The following CHRDL1 variants were observed in gnomAD, a reference collection of about 807,000 sequenced individuals.
CHRDL1 encodes chordin-like protein 1.
CHRDL1 carries 19 observed loss-of-function variants against 40.9 expected under a neutral mutation model. The observed-to-expected ratio is 0.46, with a 90% CI of 0.32 to 0.68. The LOEUF is 0.68. Among genes scored for constraint, CHRDL1 ranks in the 30% least tolerant of loss-of-function variants. The probability of loss-of-function intolerance (pLI) is 0.03; values close to 1 mark genes in which losing one functional copy is unlikely to be tolerated. For missense variants in CHRDL1, 329 were observed against 352.1 expected, an observed-to-expected ratio of 0.93 and a Z score of 0.53; for synonymous variants, 136 against 123.4, an observed-to-expected ratio of 1.10 and a Z score of -0.68.
At chrX:110,709,658 T>C (rs1569468708) in intron 6 of CHRDL1, among the ~76,000 whole-genome samples, 4 of 112,117 alleles carry the variant, frequency 3.6e-5, no homozygotes, top group African/African-American at 6.5e-5. Flanking sequence ...AGGAAAGATA[T>C]CTGCTTCATT....
intron 9 of CHRDL1, among the ~76,000 whole-genome samples, chrX:110,683,245 T>C (rs1402459922): frequency 4.8e-5 from 2 of 41,856 alleles, no homozygotes; most frequent in African/African-American, 6.7e-4. Flanking sequence ...CTCTGGCTGG[T>C]ACTTGAAAAT....
chrX:110,688,451 A>G (rs2070070680), intron 9 of CHRDL1, 143 bp downstream of exon 9: 1 of 476,719 alleles, frequency 2.1e-6, no homozygotes, highest in African/African-American at 2.5e-5. Flanking sequence ...GTCTTTCAAG[A>G]GAAGAGAGAA....
intron 2 of CHRDL1, among the ~76,000 whole-genome samples, chrX:110,786,991 A>G: frequency 8.9e-6 from 1 of 112,020 alleles, no homozygotes; most frequent in Middle Eastern, 4.6e-3. Context: ...TATAGTGAAC[A>G]GAACACTTAA....
intron 8 of CHRDL1, among the ~76,000 whole-genome samples, chrX:110,689,783 A>C (rs369336072): frequency 3.1e-5 from 2 of 64,012 alleles, no homozygotes; most frequent in East Asian, 7.4e-4. Context: ...CTATATATCT[A>C]TATATATCTA....
intron 7 of CHRDL1, among the ~76,000 whole-genome samples, chrX:110,698,312 T>C (rs1357131860): frequency 9.0e-6 from 1 of 111,176 alleles, no homozygotes; most frequent in Non-Finnish European, 1.9e-5. Context: ...TGCATTAAAA[T>C]TAATGAGGAA....
chrX:110,761,984 A>T (rs762117713), intron 3 of CHRDL1, among the ~76,000 whole-genome samples: 2 of 111,620 alleles, frequency 1.8e-5, no homozygotes, highest in Admixed American at 1.9e-4. Context: ...CATAGAATCC[A>T]CTCTCCCAAT....
chrX:110,792,009 T>A, intron 2 of CHRDL1, 79 bp downstream of exon 2: 2 of 607,271 alleles, frequency 3.3e-6, no homozygotes, highest in Non-Finnish European at 5.2e-6. Context: ...TTGGGCTAAA[T>A]CATAATTGCT....
chrX:110,787,662 C>G (rs1471136770), intron 2 of CHRDL1, among the ~76,000 whole-genome samples: 2 of 112,107 alleles, frequency 1.8e-5, no homozygotes, highest in Non-Finnish European at 1.9e-5. Context: ...TCCCTTCAAT[C>G]TTTTGGTGGC....
chrX:110,757,008 A>G (rs1224930207), intron 4 of CHRDL1, among the ~76,000 whole-genome samples: 1 of 111,974 alleles, frequency 8.9e-6, no homozygotes, highest in Non-Finnish European at 1.9e-5. Flanking sequence ...TTGAAAATAA[A>G]CAAAGAAACA....
At chrX:110,688,380 G>A (rs2070069513) in intron 9 of CHRDL1, among the ~76,000 whole-genome samples, 1 of 112,020 alleles carries the variant, frequency 8.9e-6, no homozygotes, top group African/African-American at 3.2e-5. Flanking sequence ...ATACATGAGA[G>A]GTGTGGTAGA....
intron 9 of CHRDL1, among the ~76,000 whole-genome samples, chrX:110,686,688 G>A (rs2070023543): frequency 9.2e-6 from 1 of 109,047 alleles, no homozygotes; most frequent in Non-Finnish European, 1.9e-5. Context: ...AGCACTTTGG[G>A]AGGCTGAGGC....
At chrX:110,716,064 A>G (rs2070835950) in intron 6 of CHRDL1, among the ~76,000 whole-genome samples, 1 of 112,632 alleles carries the variant, frequency 8.9e-6, no homozygotes, top group Non-Finnish European at 1.9e-5. Flanking sequence ...TGCAAATAGC[A>G]TATTAAAAGG....
intron 4 of CHRDL1, among the ~76,000 whole-genome samples, chrX:110,728,191 T>TG (rs775390615): frequency 4.5e-5 from 5 of 109,981 alleles, no homozygotes; most frequent in East Asian, 2.8e-4. Flanking sequence ...CTAAAAGTTA[T>TG]GGGGGGGAAC....
In CHRDL1 at chrX:110,753,693, T is replaced by C. The variant is rs774702922; in HGVS notation, c.301+5968A>G. Among the ~76,000 whole-genome samples, 17 of 111,910 alleles carry C rather than the reference T, an allele frequency of 1.5e-4. 1 individual carries two copies. In the South Asian group the frequency reaches 6.0e-3, roughly 39 times the overall value. ...TCACAGATATAGACAGACATAGTCA[T>C]AGACCTAGACTCTAGACTCCTTTTT... On this transcript the variant is annotated intron_variant, in intron 4 of 11. Coordinates refer to ENST00000372042, the MANE Select transcript of CHRDL1 (RefSeq NM_001143981.2).
chrX:110,759,841 C>T (rs1160087230), intron 3 of CHRDL1, 87 bp from the exon 4 acceptor site: 5 of 613,255 alleles, frequency 8.2e-6, no homozygotes, highest in Non-Finnish European at 1.4e-5. Flanking sequence ...CATGCAGGGA[C>T]TCACCCAGGC....
At position 110,689,077 on chromosome X, in the gene CHRDL1, T is replaced by C. The variant is rs5985542; in HGVS notation, c.779-274A>G. ...CAGTCCATAAATATATATATGTATA[T>C]ATATATATATATATATATATATATA... On this transcript the variant is annotated intron_variant, in intron 8 of 11. Coordinates refer to ENST00000372042, the MANE Select transcript of CHRDL1 (RefSeq NM_001143981.2). Among the ~76,000 whole-genome samples, 50 of 5,794 alleles carry C rather than the reference T, an allele frequency of 8.6e-3. 2 individuals carry two copies. The highest frequency in any genetic ancestry group is 0.071 in the African/African-American group (49 of 693). 5.0% of individuals were successfully genotyped at this position (5,794 alleles called of 115,157 possible).
intron 2 of CHRDL1, among the ~76,000 whole-genome samples, chrX:110,789,705 T>C (rs1381553392): frequency 1.8e-5 from 2 of 112,034 alleles, no homozygotes; most frequent in Non-Finnish European, 3.8e-5. Flanking sequence ...TACAGGCATG[T>C]ATATATAATT....
intron 4 of CHRDL1, among the ~76,000 whole-genome samples, chrX:110,736,673 T>G (rs2148482662): frequency 8.9e-6 from 1 of 111,749 alleles, no homozygotes; most frequent in African/African-American, 3.3e-5. Flanking sequence ...CATCCCTGAT[T>G]GAGAATCACT....
At chrX:110,752,130 C>T (rs192987312) in intron 4 of CHRDL1, among the ~76,000 whole-genome samples, 151 of 111,934 alleles carry the variant, frequency 1.3e-3, no homozygotes, top group African/African-American at 4.7e-3. Context: ...AGGGTAGGCA[C>T]GATCTTGTCT....
Sources: allele counts gnomAD v4.1 joint callset (sites outside exome capture counted in the v4.1 genomes callset), GRCh38; gene constraint gnomAD v4.1.1; transcripts MANE v1.5; gene names NCBI Gene and HGNC (gene_info 2026-07-23, HGNC 2026-07-21).